The following TUT7 variants were observed in gnomAD, a reference collection of about 807,000 sequenced individuals.
TUT7 encodes the protein terminal uridylyltransferase 7.
Under a neutral mutation model 165.9 loss-of-function variants are expected in TUT7, and 33 were observed. The observed-to-expected ratio is 0.20, with a 90% CI of 0.15 to 0.27. The LOEUF (loss-of-function observed/expected upper bound fraction) is 0.27, where lower values mean the gene tolerates loss of function less well. TUT7 is among the 10% of genes least tolerant of loss of function. The pLI, the probability that TUT7 is intolerant of heterozygous loss-of-function variation, is 1.00. For synonymous variants in TUT7, 552 were observed against 608.1 expected, an observed-to-expected ratio of 0.91 and a Z score of 1.36; for missense variants, 1,338 against 1,762.3, an observed-to-expected ratio of 0.76 and a Z score of 4.31.
Position 86,309,126 on chromosome 9 carries a change from A to G in TUT7, c.3660+86T>C, listed in dbSNP as rs554078812. 11 of 782,842 alleles carry G rather than the reference A, an allele frequency of 1.4e-5. No homozygotes were observed. In the East Asian group the frequency reaches 2.8e-4, roughly 20 times the overall value. The allele number at this position is 782,842 out of a possible 1,614,324, so 48.5% of individuals were successfully genotyped here. A position where few individuals can be genotyped will look rare whatever the true frequency, so the allele number is the denominator to read the frequency against. Reference sequence around the variant, plus strand: ...ATAAGATATATAAATACAACAAGCAATAAAATAGTTGTTGAACATCTACAC... The same window carrying G: ...ATAAGATATATAAATACAACAAGCAGTAAAATAGTTGTTGAACATCTACAC... On this transcript the variant is annotated intron_variant, in intron 21 of 26. Transcript: ENST00000375963.
rs192578810 is a variant in TUT7 at position 86,352,060 on chromosome 9, C to T, written c.520+620G>A. Among the ~76,000 whole-genome samples the T allele has an allele frequency of 2.0e-4, 30 of 152,192 alleles. No homozygotes were observed. The East Asian group carries it at 4.6e-3, about 24-fold the overall frequency. ...CACCGAGAAATTAGTTTTGGTCTTA[C>T]TGAAACCAAACAGCAAAGCTTGAAT... On this transcript the variant is annotated intron_variant, in intron 2 of 26. Transcript: ENST00000375963.
At chr9:86,346,877 T>C (rs1341361127) in intron 2 of TUT7, among the ~76,000 whole-genome samples, 1 of 152,216 alleles carries the variant, frequency 6.6e-6, no homozygotes, top group South Asian at 2.1e-4. Context: ...TTCTATAATA[T>C]CTGTAAGTAC....
chr9:86,323,871 T>C lies in TUT7; in HGVS notation c.1879A>G (p.Lys627Glu), dbSNP rs751777677. 15 of 1,613,972 alleles carry C rather than the reference T, an allele frequency of 9.3e-6. No homozygotes were observed. Among genetic ancestry groups the C allele is most frequent in the African/African-American group, 1.3e-5 (1 of 74,942 alleles). Residue 627 changes from lysine to glutamate, a missense_variant, in exon 13 of 27, where the codon AAG becomes GAG. Lys to Glu is a moderately conservative substitution (Grantham distance 56). Transcript: ENST00000375963. ...ATTTTGTGTGGAAGAGCAAAATACT[T>C]GTATGTTGTCCTTAAACAATGAAGT... ...YILHCLRTTY[K>E]YFALPHKITK...
chr9:86,303,411 C>T (rs1827135893), intron 24 of TUT7, among the ~76,000 whole-genome samples: 1 of 152,052 alleles, frequency 6.6e-6, no homozygotes, highest in Non-Finnish European at 1.5e-5. Context: ...TTTGTTTATT[C>T]CTTTTAGTCA....
chr9:86,349,639 T>C (rs1011927804), intron 2 of TUT7, among the ~76,000 whole-genome samples: 1 of 152,206 alleles, frequency 6.6e-6, no homozygotes, highest in Non-Finnish European at 1.5e-5. Flanking sequence ...CCCTTCCTTA[T>C]TAAGACACAA....
chr9:86,341,895 T>C (rs1831358913), intron 6 of TUT7, among the ~76,000 whole-genome samples: 1 of 152,138 alleles, frequency 6.6e-6, no homozygotes, highest in Admixed American at 6.5e-5. Flanking sequence ...ACAAGGTAAT[T>C]ACTAATCTCC....
chr9:86,311,030 TCAAA>T lies in TUT7; in HGVS notation c.3275-225_3275-222del, dbSNP rs1204150829. ...CATATTGATATTAGAACTACAAGAA[TCAAA>T]CAGTCACTCCCCTCTGGGAACTTAC... On this transcript the variant is annotated intron_variant, in intron 17 of 26. Coordinates refer to ENST00000375963, the MANE Select transcript of TUT7 (RefSeq NM_024617.4). This position sits in a 1 kb window ranked among gnomAD's most constrained non-coding sequence, Gnocchi z 4.4. 1.1e-4 allele frequency among the ~76,000 whole-genome samples: 16 copies of T among 152,296 alleles called. No homozygotes were observed. The highest frequency in any genetic ancestry group is 5.8e-4 in the East Asian group (3 of 5,182).
At chr9:86,312,303 C>T (rs895124613) in intron 17 of TUT7, among the ~76,000 whole-genome samples, 3 of 151,854 alleles carry the variant, frequency 2.0e-5, no homozygotes, top group African/African-American at 7.3e-5. Context: ...GCGTCTCTGC[C>T]CGGCCGCCCC....
intron 10 of TUT7, among the ~76,000 whole-genome samples, chr9:86,333,867 T>C (rs1391569225): frequency 6.6e-6 from 1 of 152,194 alleles, no homozygotes. Context: ...GGATGTTTAT[T>C]GTTTTCTGCA....
Position 86,352,820 on chromosome 9 carries a change from C to T in TUT7, c.380G>A (p.Arg127Gln), listed in dbSNP as rs764631192. Residue 127 changes from arginine (R) to glutamine (Q), a missense_variant, in exon 2 of 27, where the codon CGA (arginine) becomes CAA (glutamine). By Grantham distance (43) the Arg-to-Gln change is conservative (BLOSUM62 1). Transcript: ENST00000375963. The stretch of plus-strand genomic sequence containing the variant: ...TTCTTGAAAGGAGTCTTTTCTTTGT[C>T]GGTTTATAACAGGAATTCTAGGTCC... Reference protein sequence around the residue: ...KPGPRIPVINRQRKDSFQENE... With the variant: ...KPGPRIPVINQQRKDSFQENE... 1.9e-6 allele frequency: 3 copies of T among 1,614,026 alleles called. No homozygotes were observed. In the South Asian group the frequency reaches 3.3e-5, roughly 18 times the overall value.
At chr9:86,335,386 T>A (rs1245614787) in intron 10 of TUT7, among the ~76,000 whole-genome samples, 1 of 152,152 alleles carries the variant, frequency 6.6e-6, no homozygotes. Context: ...TTCAATCATA[T>A]CAAGATTTAA....
chr9:86,301,123 G>C (rs765527304), intron 26 of TUT7, among the ~76,000 whole-genome samples, 153 bp downstream of exon 26: 1 of 152,180 alleles, frequency 6.6e-6, no homozygotes, highest in Non-Finnish European at 1.5e-5. Flanking sequence ...CATTAAAGGA[G>C]GGGGAAGGGA....
At chr9:86,340,760 T>G (rs1831256158) in intron 7 of TUT7, among the ~76,000 whole-genome samples, 1 of 152,256 alleles carries the variant, frequency 6.6e-6, no homozygotes, top group Non-Finnish European at 1.5e-5. Flanking sequence ...CATCTAGGAC[T>G]CATTTAATCT....
At chr9:86,331,924 T>G (rs1040312243) in intron 10 of TUT7, among the ~76,000 whole-genome samples, 2 of 152,058 alleles carry the variant, frequency 1.3e-5, no homozygotes, top group African/African-American at 4.8e-5. Flanking sequence ...ATAACCCCAT[T>G]AAAAAGTTTG....
chr9:86,298,172 AT>A (rs34194986), intron 26 of TUT7, among the ~76,000 whole-genome samples: 1 of 152,086 alleles, frequency 6.6e-6, no homozygotes, highest in Admixed American at 6.6e-5. Context: ...TCTTCCTAGC[AT>A]TTGCCACCAC....
intron 2 of TUT7, among the ~76,000 whole-genome samples, chr9:86,346,968 T>C (rs1003641093): frequency 1.3e-5 from 2 of 152,132 alleles, no homozygotes; most frequent in African/African-American, 4.8e-5. Context: ...AAATGCAAAA[T>C]GTACCCCTGG....
intron 2 of TUT7, among the ~76,000 whole-genome samples, chr9:86,349,945 A>G (rs1358283761): frequency 6.6e-6 from 1 of 152,244 alleles, no homozygotes; most frequent in African/African-American, 2.4e-5. Context: ...AAGAATACAC[A>G]TAAAATAAGA....
chr9:86,306,754 G>A (rs1827530716), intron 22 of TUT7, among the ~76,000 whole-genome samples: 3 of 152,034 alleles, frequency 2.0e-5, no homozygotes, highest in Admixed American at 2.0e-4. Flanking sequence ...ACCTGAAATC[G>A]CACCATTACA....
Position 86,346,432 on chromosome 9 carries a change from T to C in TUT7, c.569A>G (p.Asn190Ser), listed in dbSNP as rs1250282994. Residue 190 changes from asparagine to serine, a missense_variant, in exon 3 of 27, where the codon AAT becomes AGT. Physicochemically the swap from Asn to Ser is conservative, Grantham distance 46. Around this residue, in one of 7 missense-constraint regions of TUT7, gnomAD observed 434 missense variants for 480.8 expected, o/e 0.90. Transcript: ENST00000375963. The stretch of plus-strand genomic sequence containing the variant: ...GTCTCCATCCTGCTCATTTTCCTCA[T>C]TTCTAGTCTTCCGTGGCTTCCTAGG... ...SRPRKPRKTRNEENEQDGDLE... is the reference protein window; with the variant it reads ...SRPRKPRKTRSEENEQDGDLE... 5 of 1,614,000 alleles carry C rather than the reference T, an allele frequency of 3.1e-6. No homozygotes were observed. The highest frequency in any genetic ancestry group is 4.5e-5 in the East Asian group (2 of 44,882).
Sources: allele counts gnomAD v4.1 joint callset (sites outside exome capture counted in the v4.1 genomes callset), GRCh38; gene constraint gnomAD v4.1.1; regional missense constraint gnomAD v4.1.1; non-coding constraint Gnocchi (gnomAD v3.1); transcripts MANE v1.5; gene names NCBI Gene and HGNC (gene_info 2026-07-23, HGNC 2026-07-21).